PITPNC1: variants seen among roughly 807,000 people sequenced by gnomAD.
The protein encoded by PITPNC1 is phosphatidylinositol transfer protein cytoplasmic 1.
In PITPNC1, 18 loss-of-function variants were observed where a neutral mutation model predicts 44.7. The ratio of observed to expected loss-of-function variants is 0.40; its 90% confidence interval spans 0.28 to 0.60. PITPNC1 has a LOEUF of 0.60. Among genes scored for constraint, PITPNC1 ranks in the 20% least tolerant of loss-of-function variants. The pLI, the probability that PITPNC1 is intolerant of heterozygous loss-of-function variation, is 0.39. For missense variants in PITPNC1, 290 were observed against 418.4 expected, an observed-to-expected ratio of 0.69 and a Z score of 2.68; for synonymous variants, 141 against 149.6, an observed-to-expected ratio of 0.94 and a Z score of 0.42.
chr17:67,449,566 A>C lies in PITPNC1; in HGVS notation c.48+71364A>C, dbSNP rs191186688. Among the ~76,000 whole-genome samples, 374 of 152,352 alleles carry C rather than the reference A, an allele frequency of 2.5e-3. 3 individuals are homozygous for C. The highest frequency in any genetic ancestry group is 8.5e-3 in the African/African-American group (354 of 41,584). ...TTCTTGACAGATAGCAAAGAAAAAA[A>C]TCTTCTGTCTTTACCTTGACAAGAC... On this transcript the variant is annotated intron_variant, in intron 1 of 8. Transcript: ENST00000581322.
intron 4 of PITPNC1, among the ~76,000 whole-genome samples, chr17:67,575,879 C>CTTTTTTTTT (rs1209977482): frequency 0.13 from 2,109 of 15,816 alleles, 316 homozygotes; most frequent in African/African-American, 0.34. Context: ...TCTTTCTTTC[C>CTTTTTTTTT]TTTTTTTTTT....
At chr17:67,666,291 C>G (rs889246277) in intron 6 of PITPNC1, among the ~76,000 whole-genome samples, 3 of 152,318 alleles carry the variant, frequency 2.0e-5, no homozygotes, top group Admixed American at 2.0e-4. Flanking sequence ...CCACTGTGCC[C>G]GGCCCCTAAG....
intron 1 of PITPNC1, among the ~76,000 whole-genome samples, chr17:67,447,089 CAAAAAAAAAAAA>C (rs749024248): frequency 1.3e-3 from 46 of 35,344 alleles, no homozygotes; most frequent in African/African-American, 3.0e-3. Flanking sequence ...GACTCTGTCT[CAAAAAAAAAAAA>C]AAAAAAAAAA....
intron 2 of PITPNC1, among the ~76,000 whole-genome samples, chr17:67,537,255 G>A (rs757426499): frequency 2.0e-5 from 3 of 152,080 alleles, no homozygotes; most frequent in Non-Finnish European, 4.4e-5. Flanking sequence ...GAAATAAAGA[G>A]GAAAGGAAGA....
intron 1 of PITPNC1, among the ~76,000 whole-genome samples, chr17:67,469,910 G>A (rs368944675): frequency 6.6e-6 from 1 of 152,156 alleles, no homozygotes; most frequent in Non-Finnish European, 1.5e-5. Flanking sequence ...ATATATATGT[G>A]TGTGTATATG....
intron 7 of PITPNC1, among the ~76,000 whole-genome samples, chr17:67,671,505 G>T (rs76556189): frequency 0.031 from 4,789 of 152,196 alleles, 238 homozygotes; most frequent in African/African-American, 0.11. Flanking sequence ...GAGATTGGGG[G>T]CCAGTTAACA....
chr17:67,503,039 A>G (rs2144073116), intron 1 of PITPNC1, among the ~76,000 whole-genome samples: 1 of 152,098 alleles, frequency 6.6e-6, no homozygotes, highest in Non-Finnish European at 1.5e-5. Flanking sequence ...CAGGTGATCC[A>G]CCCACCTTGG....
At chr17:67,624,839 T>G (rs1322659448) in intron 5 of PITPNC1, among the ~76,000 whole-genome samples, 3 of 152,188 alleles carry the variant, frequency 2.0e-5, no homozygotes, top group Non-Finnish European at 2.9e-5. Flanking sequence ...GATTCTTTTC[T>G]TAAGATAAAT....
chr17:67,395,266 G>C (rs1318312011), intron 1 of PITPNC1, among the ~76,000 whole-genome samples: 1 of 151,576 alleles, frequency 6.6e-6, no homozygotes, highest in African/African-American at 2.4e-5. Context: ...CTATCCTCCT[G>C]AGTAGCTAGG....
At chr17:67,386,826 T>C (rs954898445) in intron 1 of PITPNC1, among the ~76,000 whole-genome samples, 2 of 152,094 alleles carry the variant, frequency 1.3e-5, no homozygotes, top group Admixed American at 6.6e-5. Context: ...AGAAACAGAC[T>C]GAGTTCTAGA....
At chr17:67,618,364 C>CAAAAAA (rs11417487) in intron 5 of PITPNC1, among the ~76,000 whole-genome samples, 1 of 76,838 alleles carries the variant, frequency 1.3e-5, no homozygotes, top group African/African-American at 4.9e-5. Context: ...GACTCCGTCT[C>CAAAAAA]AAAAAAAAAA....
intron 1 of PITPNC1, among the ~76,000 whole-genome samples, chr17:67,435,108 CAAAA>C (rs555005702): frequency 7.8e-5 from 6 of 76,684 alleles, no homozygotes; most frequent in African/African-American, 1.8e-4. Flanking sequence ...GACTCCATCT[CAAAA>C]AAAAAAAAAA....
rs561832831 is a variant in PITPNC1 at position 67,476,190 on chromosome 17, T to TTTC, written c.49-56610_49-56609insCTT. ...TAGAGACTAAATTTCTTTCTTTTCT[T>TTTC]TTTTTTTTTTTTTGAGATGGAGTCT... is the stretch of plus-strand genomic sequence containing the variant. On this transcript the variant is annotated intron_variant, in intron 1 of 8. Coordinates refer to ENST00000581322, the MANE Select transcript of PITPNC1 (RefSeq NM_012417.4). Among the ~76,000 whole-genome samples, 295 of 147,340 alleles carry TTTC rather than the reference T, an allele frequency of 2.0e-3. 3 individuals are homozygous for TTTC. The highest frequency in any genetic ancestry group is 6.9e-3 in the African/African-American group (282 of 40,578).
intron 6 of PITPNC1, among the ~76,000 whole-genome samples, chr17:67,654,235 C>A (rs2042239544): frequency 6.6e-6 from 1 of 152,206 alleles, no homozygotes; most frequent in Non-Finnish European, 1.5e-5. Context: ...CCTTCTCTCG[C>A]AATTCCTCCA....
intron 8 of PITPNC1, among the ~76,000 whole-genome samples, chr17:67,690,994 T>C (rs1007299798): frequency 2.6e-5 from 4 of 151,980 alleles, no homozygotes; most frequent in African/African-American, 9.7e-5. Flanking sequence ...TCCCAGCTAT[T>C]CAGGAGGCTG....
chr17:67,653,181 C>T (rs2042227988), intron 6 of PITPNC1, among the ~76,000 whole-genome samples: 1 of 152,048 alleles, frequency 6.6e-6, no homozygotes, highest in Admixed American at 6.6e-5. Flanking sequence ...ACTCGGGAGG[C>T]TGAGGCAGGA....
chr17:67,432,553 T>C (rs1373129219), intron 1 of PITPNC1, among the ~76,000 whole-genome samples: 1 of 152,112 alleles, frequency 6.6e-6, no homozygotes, highest in Non-Finnish European at 1.5e-5. Flanking sequence ...AAACTAATGA[T>C]AACTGATGAG....
chr17:67,596,320 A>G (rs2041459049), intron 5 of PITPNC1, among the ~76,000 whole-genome samples: 1 of 152,080 alleles, frequency 6.6e-6, no homozygotes, highest in Non-Finnish European at 1.5e-5. Flanking sequence ...AACCAGATAC[A>G]CTAGTTGTAC....
chr17:67,509,305 G>A (rs551567980), intron 1 of PITPNC1, among the ~76,000 whole-genome samples: 26 of 151,960 alleles, frequency 1.7e-4, no homozygotes, highest in Non-Finnish European at 3.4e-4. Context: ...AGGCCAAGGC[G>A]GGCGGATCAC....
Sources: gnomAD v4.1 joint callset for allele counts (sites outside exome capture counted in the v4.1 genomes callset) on GRCh38, gnomAD v4.1.1 for gene constraint, MANE v1.5 for transcripts, NCBI Gene and HGNC (gene_info 2026-07-23, HGNC 2026-07-21) for gene names.